The following FBXO34 variants were observed in gnomAD, a reference collection of about 807,000 sequenced individuals.
FBXO34 encodes the protein F-box protein 34.
A neutral mutation model predicts 24.5 loss-of-function variants in FBXO34; 12 were observed. The ratio of observed to expected loss-of-function variants is 0.49; its 90% CI spans 0.31 to 0.79. The LOEUF is 0.79. Ranked by LOEUF, FBXO34 falls within the 30% of genes least tolerant of loss-of-function variation. FBXO34 has a pLI of 0.04. For synonymous variants in FBXO34, 320 were observed against 311.9 expected, an observed-to-expected ratio of 1.03 and a Z score of -0.27; for missense variants, 823 against 857.7, an observed-to-expected ratio of 0.96 and a Z score of 0.51.
the FBXO34 span, chr14:55,378,023 C>T: frequency 6.2e-7 from 1 of 1,613,106 alleles, no homozygotes; most frequent in Non-Finnish European, 8.5e-7. Context: ...CATTCAGTTT[C>T]TTCACTGCTC....
intron 1 of FBXO34, among the ~76,000 whole-genome samples, chr14:55,336,193 C>A (rs1401753102): frequency 6.6e-6 from 1 of 152,138 alleles, no homozygotes; most frequent in Non-Finnish European, 1.5e-5. Flanking sequence ...TGTTGTCTTT[C>A]AGTTCTTTTT....
At chr14:55,435,884 A>G in the FBXO34 span, 3 of 1,575,334 alleles carry the variant, frequency 1.9e-6, no homozygotes, top group Non-Finnish European at 2.6e-6. Context: ...ATGCAAAGCT[A>G]TTTTCTTCAG....
chr14:55,362,603 G>A (rs1884607941), downstream of FBXO34, among the ~76,000 whole-genome samples: 1 of 152,164 alleles, frequency 6.6e-6, no homozygotes, highest in African/African-American at 2.4e-5. Context: ...CAGTACCAGT[G>A]GCCCCTGAAC....
chr14:55,304,325 C>T (rs1882465274), intron 1 of FBXO34, among the ~76,000 whole-genome samples: 1 of 152,074 alleles, frequency 6.6e-6, no homozygotes, highest in African/African-American at 2.4e-5. Context: ...TTATTCTCAT[C>T]CTTGAAAATC....
At chr14:55,309,913 A>G (rs1882679058) in intron 1 of FBXO34, among the ~76,000 whole-genome samples, 1 of 152,220 alleles carries the variant, frequency 6.6e-6, no homozygotes, top group Non-Finnish European at 1.5e-5. Flanking sequence ...GCATTGAGTT[A>G]CAATGAGTTT....
At chr14:55,367,800 A>G (rs529553307) in exon 3 of FBXO34, 1 of 152,174 alleles carries the variant, frequency 6.6e-6, no homozygotes, top group Non-Finnish European at 1.5e-5. Flanking sequence ...TTTCATGGAA[A>G]ATTCATAGAG....
intron 1 of FBXO34, among the ~76,000 whole-genome samples, chr14:55,350,031 G>A (rs1014400857): frequency 1.3e-5 from 2 of 151,820 alleles, no homozygotes; most frequent in African/African-American, 4.8e-5. Context: ...CCTTTCTTCT[G>A]TACTATGCCT....
At chr14:55,360,355 G>A (rs978313682) in intron 3 of FBXO34, among the ~76,000 whole-genome samples, 3 of 152,136 alleles carry the variant, frequency 2.0e-5, no homozygotes, top group Non-Finnish European at 4.4e-5. Context: ...TGACAGGCAT[G>A]AGCCACCACG....
the FBXO34 span, among the ~76,000 whole-genome samples, chr14:55,432,825 G>A: frequency 6.6e-6 from 1 of 152,166 alleles, no homozygotes; most frequent in African/African-American, 2.4e-5. Context: ...GAGTTATGGT[G>A]AAAGAATACC....
At chr14:55,342,725 A>G (rs1453957562) in intron 1 of FBXO34, among the ~76,000 whole-genome samples, 2 of 152,134 alleles carry the variant, frequency 1.3e-5, no homozygotes, top group Non-Finnish European at 2.9e-5. Flanking sequence ...TTAGATTAGT[A>G]TGGTTTATGT....
intron 1 of FBXO34, among the ~76,000 whole-genome samples, chr14:55,312,475 A>G: frequency 6.6e-6 from 1 of 152,164 alleles, no homozygotes; most frequent in East Asian, 1.9e-4. Context: ...GCAGTACCCC[A>G]GTGGAGACTC....
intron 1 of FBXO34, among the ~76,000 whole-genome samples, chr14:55,318,972 C>T (rs1344604965): frequency 6.6e-6 from 1 of 152,112 alleles, no homozygotes; most frequent in African/African-American, 2.4e-5. Flanking sequence ...TAATTTCACA[C>T]TAGGTCATCT....
the FBXO34 span, chr14:55,413,785 C>T: frequency 3.0e-6 from 1 of 336,694 alleles, no homozygotes; most frequent in Non-Finnish European, 5.8e-6. Context: ...TCAAGACCAG[C>T]CTGGCTCAGT....
chr14:55,352,085 C>A lies in FBXO34; in HGVS notation c.1695C>A (p.Ile565=), dbSNP rs759316212. 6.2e-7 allele frequency: 1 copy of A among 1,614,180 alleles called. No individual in the cohort carries two copies. The highest frequency in any genetic ancestry group is 1.1e-5 in the South Asian group (1 of 91,082). Residue 565 remains isoleucine, a synonymous_variant, in exon 2 of 2, where the codon ATC becomes ATA. Coordinates refer to ENST00000313833, the MANE Select transcript of FBXO34 (RefSeq NM_017943.4). ...ACTTCCTGGAGACCAGGTTTAAAAT[C>A]CAGCAGCTTTTGGAGCCTCAGCAGT... ...SHDFLETRFK[I]QQLLEPQQYM...
chr14:55,328,220 A>G (rs1407595931), intron 1 of FBXO34, among the ~76,000 whole-genome samples: 2 of 151,936 alleles, frequency 1.3e-5, no homozygotes, highest in African/African-American at 2.4e-5. Context: ...CAGCATTCCA[A>G]AGTGCTGGGA....
intron 1 of FBXO34, among the ~76,000 whole-genome samples, chr14:55,323,218 A>AAAAAATATAT (rs1566555819): frequency 6.3e-5 from 2 of 31,628 alleles, no homozygotes; most frequent in Non-Finnish European, 8.4e-5. Flanking sequence ...AAAAAAAAAA[A>AAAAAATATAT]ATATATATTT....
chr14:55,279,605 G>A (rs1027205057), intron 1 of FBXO34, among the ~76,000 whole-genome samples: 1 of 152,178 alleles, frequency 6.6e-6, no homozygotes, highest in Non-Finnish European at 1.5e-5. Flanking sequence ...CTCAGCTTAA[G>A]AACCACTGCT....
In FBXO34 at chr14:55,350,456, G is replaced by A. The variant is rs773607472; in HGVS notation, c.66G>A (p.Thr22=). The A allele has an allele frequency of 5.6e-6, 9 of 1,611,374 alleles. No individual in the cohort carries two copies. The highest frequency in any genetic ancestry group is 1.7e-4 in the Middle Eastern group (1 of 6,056). ...KEHPPEVSRE[T]QRTPMNHQKA... is the part of the protein sequence containing the mutation. ...ACCCCCCGGAAGTCAGCAGGGAAAC[G>A]CAGAGAACTCCTATGAACCACCAAA... The change falls in exon 2 of 2, where the codon ACG becomes ACA. Residue 22 remains threonine (T), a synonymous_variant. Transcript: ENST00000313833.
At chr14:55,406,134 T>C in the FBXO34 span, among the ~76,000 whole-genome samples, 1 of 152,246 alleles carries the variant, frequency 6.6e-6, no homozygotes, top group Non-Finnish European at 1.5e-5. Context: ...AGGAACTAAT[T>C]AATGTGAGAT....
Sources: gnomAD v4.1 joint callset for allele counts (sites outside exome capture counted in the v4.1 genomes callset) on GRCh38, gnomAD v4.1.1 for gene constraint, MANE v1.5 for transcripts, NCBI Gene and HGNC (gene_info 2026-07-23, HGNC 2026-07-21) for gene names.